Variants in PSAT1 observed in about 807,000 individuals in gnomAD.
PSAT1 encodes the protein phosphoserine aminotransferase 1, also known as phosphoserine aminotransferase.
Under a neutral mutation model 40.3 loss-of-function variants are expected in PSAT1, and 41 were observed. That is an observed-to-expected ratio of 1.02 (90% CI 0.79 to 1.32). PSAT1 has a LOEUF of 1.32. Among genes scored for constraint, PSAT1 ranks in the 40% most tolerant of loss-of-function variants. PSAT1 has a pLI of 0.00. For synonymous variants in PSAT1, 147 were observed against 170.5 expected, an observed-to-expected ratio of 0.86 and a Z score of 1.07; for missense variants, 406 against 455.8, an observed-to-expected ratio of 0.89 and a Z score of 0.99.
At chr9:78,304,560 G>T (rs996910688) in intron 3 of PSAT1, among the ~76,000 whole-genome samples, 175 bp from the exon 4 acceptor site, 3 of 152,202 alleles carry the variant, frequency 2.0e-5, no homozygotes, top group African/African-American at 7.2e-5. Flanking sequence ...GTAAATAGTT[G>T]TCCAAGGATT....
intron 7 of PSAT1, among the ~76,000 whole-genome samples, chr9:78,324,022 T>C (rs1405611801): frequency 6.6e-6 from 1 of 152,138 alleles, no homozygotes; most frequent in Non-Finnish European, 1.5e-5. Context: ...GTGGGATGGG[T>C]GTCCCTGGCT....
At chr9:78,328,264 A>G in intron 8 of PSAT1, 76 bp downstream of exon 8, 1 of 1,577,728 alleles carries the variant, frequency 6.3e-7, no homozygotes, top group Non-Finnish European at 8.7e-7. Flanking sequence ...ACAAATCTAT[A>G]GGAGCCTGCT....
chr9:78,318,106 C>T (rs1318996711), intron 7 of PSAT1, among the ~76,000 whole-genome samples: 2 of 152,158 alleles, frequency 1.3e-5, no homozygotes, highest in Non-Finnish European at 2.9e-5. Context: ...CCCGTCTACT[C>T]CCTCCTTTGT....
intron 5 of PSAT1, among the ~76,000 whole-genome samples, chr9:78,307,464 T>C (rs1262263453): frequency 6.6e-6 from 1 of 152,280 alleles, no homozygotes; most frequent in Non-Finnish European, 1.5e-5. Flanking sequence ...GTTTATGGTC[T>C]GCTTTTTATT....
At chr9:78,328,004 C>T (rs777425362) in intron 7 of PSAT1, 47 bp from the exon 8 acceptor site, 1 of 1,587,062 alleles carries the variant, frequency 6.3e-7, no homozygotes, top group Non-Finnish European at 8.6e-7. Flanking sequence ...TTTATGACAA[C>T]CCATACATTT....
intron 7 of PSAT1, among the ~76,000 whole-genome samples, chr9:78,324,804 G>A (rs1828474010): frequency 6.6e-6 from 1 of 152,028 alleles, no homozygotes; most frequent in Non-Finnish European, 1.5e-5. Context: ...CGTTTAAAAT[G>A]TGAGAGAGCT....
intron 1 of PSAT1, among the ~76,000 whole-genome samples, chr9:78,300,267 A>G (rs2118622238): frequency 6.6e-6 from 1 of 152,260 alleles, no homozygotes. Flanking sequence ...TGTCCCTTTA[A>G]CCCAGAACTT....
chr9:78,319,066 A>T (rs147737954), intron 7 of PSAT1, among the ~76,000 whole-genome samples: 195 of 152,278 alleles, frequency 1.3e-3, no homozygotes, highest in African/African-American at 4.5e-3. Flanking sequence ...CTTAGTGGCC[A>T]TTGCTCTTTG....
At chr9:78,323,931 C>T (rs1828462328) in intron 7 of PSAT1, among the ~76,000 whole-genome samples, 1 of 152,148 alleles carries the variant, frequency 6.6e-6, no homozygotes, top group Non-Finnish European at 1.5e-5. Context: ...TCAGAGGGGC[C>T]TGACTGTGGA....
intron 8 of PSAT1, among the ~76,000 whole-genome samples, chr9:78,328,492 A>C (rs1828532809): frequency 6.6e-6 from 1 of 152,204 alleles, no homozygotes; most frequent in African/African-American, 2.4e-5. Context: ...TGAGGCCAGC[A>C]CCACTCTGTT....
intron 1 of PSAT1, among the ~76,000 whole-genome samples, chr9:78,299,188 A>T (rs1216580730): frequency 7.2e-6 from 1 of 138,686 alleles, no homozygotes; most frequent in Non-Finnish European, 1.5e-5. Flanking sequence ...TATGATCCAC[A>T]AAAGCAATGC....
chr9:78,298,482 C>A (rs1269286424), intron 1 of PSAT1: 2 of 959,288 alleles, frequency 2.1e-6, no homozygotes, highest in Non-Finnish European at 2.5e-6. Context: ...GAGGACAGGG[C>A]TTATTTTTTC....
intron 5 of PSAT1, among the ~76,000 whole-genome samples, chr9:78,306,955 G>A (rs898570908): frequency 6.6e-6 from 1 of 152,314 alleles, no homozygotes; most frequent in East Asian, 1.9e-4. Context: ...CCCAGGGTGC[G>A]ATGCGGGTAG....
chr9:78,323,600 C>T (rs1828458865), intron 7 of PSAT1, among the ~76,000 whole-genome samples: 1 of 151,908 alleles, frequency 6.6e-6, no homozygotes, highest in South Asian at 2.1e-4. Context: ...AAAAACAAAA[C>T]TACAAGAGTT....
chr9:78,304,274 T>C (rs1047075500), intron 3 of PSAT1, among the ~76,000 whole-genome samples: 2 of 152,206 alleles, frequency 1.3e-5, no homozygotes, highest in Non-Finnish European at 2.9e-5. Context: ...GTGGCCACCA[T>C]TGGTTGCAGG....
At chr9:78,306,226 G>A in intron 4 of PSAT1, 88 bp from the exon 5 acceptor site, 1 of 1,401,750 alleles carries the variant, frequency 7.1e-7, no homozygotes, top group Admixed American at 1.7e-5. Flanking sequence ...TGCTAGGGGA[G>A]GCCTGTCAGT....
intron 6 of PSAT1, 150 bp from the exon 7 acceptor site, chr9:78,317,526 C>T (rs921517941): frequency 3.4e-5 from 34 of 988,802 alleles, no homozygotes; most frequent in East Asian, 1.5e-4. Flanking sequence ...GTTGGGATTA[C>T]GGGCGTGAGC....
At chr9:78,326,953 A>ATTTTTTTTTTT (rs1397133333) in intron 7 of PSAT1, among the ~76,000 whole-genome samples, 24 of 81,514 alleles carry the variant, frequency 2.9e-4, no homozygotes, top group African/African-American at 1.9e-3. Context: ...ATATATATAT[A>ATTTTTTTTTTT]TATTTTTTTT....
chr9:78,317,649 C>G (rs370384166), intron 6 of PSAT1, 27 bp from the exon 7 acceptor site: 1 of 1,611,460 alleles, frequency 6.2e-7, no homozygotes, highest in Admixed American at 1.7e-5. Context: ...ATGAGCTAAA[C>G]GGATTTTTTA....
Sources: gnomAD v4.1 joint callset for allele counts (sites outside exome capture counted in the v4.1 genomes callset) on GRCh38, gnomAD v4.1.1 for gene constraint, MANE v1.5 for transcripts, NCBI Gene and HGNC (gene_info 2026-07-23, HGNC 2026-07-21) for gene names.